SH3TC1: variants seen among roughly 807,000 people sequenced by gnomAD.
The protein encoded by SH3TC1 is SH3 domain and tetratricopeptide repeat-containing protein 1.
Under a neutral mutation model 117.3 loss-of-function variants are expected in SH3TC1, and 135 were observed. The observed-to-expected ratio is 1.15, with a 90% confidence interval of 1.00 to 1.33. The LOEUF (loss-of-function observed/expected upper bound fraction) is 1.33, where lower values mean the gene tolerates loss of function less well. Ranked by LOEUF, SH3TC1 falls within the 40% of genes most tolerant of loss-of-function variation. The pLI, the probability that SH3TC1 is intolerant of heterozygous loss-of-function variation, is 0.00. For synonymous variants in SH3TC1, 898 were observed against 816.9 expected, an observed-to-expected ratio of 1.10 and a Z score of -1.69; for missense variants, 2,092 against 1,794.3, an observed-to-expected ratio of 1.17 and a Z score of -3.00.
At chr4:8,188,266 C>T (rs779976107) in intron 1 of SH3TC1, among the ~76,000 whole-genome samples, 1 of 152,188 alleles carries the variant, frequency 6.6e-6, no homozygotes, top group African/African-American at 2.4e-5. Flanking sequence ...CTGTCTCCAC[C>T]ATGAGGCCGA....
In SH3TC1 at chr4:8,226,532, G is replaced by A. The variant is rs185978181; in HGVS notation, c.1286-448G>A. Among the ~76,000 whole-genome samples the A allele has an allele frequency of 1.0e-3, 156 of 152,366 alleles. 1 individual carries two copies. Among genetic ancestry groups the A allele is most frequent in the African/African-American group, 3.6e-3 (149 of 41,582 alleles). ...CTGACTGGCTGTTGAGGATTTCATG[G>A]ATTCCTGTACCCCATCGAGGGGCCC... is the stretch of plus-strand genomic sequence containing the variant. On this transcript the variant is annotated intron_variant, in intron 11 of 17. Transcript: ENST00000245105.
Position 8,238,495 on chromosome 4 carries a change from G to A in SH3TC1, c.3753+825G>A, listed in dbSNP as rs536264489. Among the ~76,000 whole-genome samples, 575 of 152,330 alleles carry A rather than the reference G, an allele frequency of 3.8e-3. 5 individuals carry two copies. Among genetic ancestry groups the A allele is most frequent in the African/African-American group, 0.013 (541 of 41,576 alleles). ...GCTCGTTGTGGGCTGGGGGGCCAGG[G>A]CGCTCCAGTCCAGGGACTGAGCTCT... On this transcript the variant is annotated intron_variant, in intron 17 of 17. Transcript: ENST00000245105.
chr4:8,236,768 C>T (rs1721857269), intron 16 of SH3TC1: 2 of 250,250 alleles, frequency 8.0e-6, no homozygotes, highest in African/African-American at 2.2e-5. Flanking sequence ...TCTCTTGTGC[C>T]CTTCCCACCC....
In SH3TC1 at chr4:8,227,318, C is replaced by G. The variant is rs754981512; in HGVS notation, c.1624C>G (p.Arg542Gly). ...SFSDEEELTG[R>G]LAQARGAAKK... ...CAGCGACGAGGAGGAGCTGACTGGG[C>G]GCCTGGCACAGGCCCGGGGGGCGGC... Residue 542 changes from arginine (R) to glycine (G), a missense_variant, in exon 12 of 18, where the codon CGC becomes GGC. Transcript: ENST00000245105. The G allele has an allele frequency of 2.5e-6, 4 of 1,609,936 alleles. No individual in the cohort carries two copies. Among genetic ancestry groups the G allele is most frequent in the Non-Finnish European group, 3.4e-6 (4 of 1,178,824 alleles).
At chr4:8,207,550 A>C (rs890541293) in intron 2 of SH3TC1, among the ~76,000 whole-genome samples, 4 of 152,198 alleles carry the variant, frequency 2.6e-5, no homozygotes, top group Admixed American at 6.5e-5. Context: ...CTAATTAGGC[A>C]ACCCTTCTCC....
intron 1 of SH3TC1, among the ~76,000 whole-genome samples, chr4:8,191,882 T>G (rs1255369963): frequency 6.6e-6 from 1 of 152,142 alleles, no homozygotes; most frequent in East Asian, 1.9e-4. Flanking sequence ...CCGGGAAAGA[T>G]GACGGGGCTG....
intron 17 of SH3TC1, among the ~76,000 whole-genome samples, chr4:8,240,458 G>C (rs1392682200): frequency 4.6e-5 from 7 of 152,226 alleles, no homozygotes; most frequent in African/African-American, 1.4e-4. Context: ...TGCAGAGAGG[G>C]TGGGGCTGGG....
chr4:8,183,021 A>T lies in SH3TC1; in HGVS notation c.-57+811A>T, dbSNP rs908029507. Among the ~76,000 whole-genome samples, 1 of 152,102 alleles carries T rather than the reference A, an allele frequency of 6.6e-6. No individual in the cohort carries two copies. Among genetic ancestry groups the T allele is most frequent in the African/African-American group, 2.4e-5 (1 of 41,424 alleles). On this transcript the variant is annotated intron_variant, in intron 1 of 16. Coordinates refer to the SH3TC1 transcript ENST00000508641. The surrounding 1 kb of genome is among the most constrained non-coding windows in gnomAD (Gnocchi z 5.4). Reference sequence around the variant, plus strand: ...GGCAGTGGGGAGGCGCAGGGGCCTGACCCAGAGGAGGGCAGAGGAGAGGCT... The same window carrying T: ...GGCAGTGGGGAGGCGCAGGGGCCTGTCCCAGAGGAGGGCAGAGGAGAGGCT...
intron 15 of SH3TC1, 60 bp from the exon 16 acceptor site, chr4:8,236,208 TGAGCTCTGAG>T: frequency 6.8e-7 from 1 of 1,464,550 alleles, no homozygotes; most frequent in Non-Finnish European, 9.1e-7. Context: ...AGCACATGTT[TGAGCTCTGAG>T]GAGGGCGCTG....
Position 8,227,681 on chromosome 4 carries a change from G to C in SH3TC1, c.1987G>C (p.Ala663Pro), listed in dbSNP as rs556574724. The change falls in exon 12 of 18, where the codon GCC (alanine) becomes CCC (proline). Residue 663 changes from alanine (A) to proline (P), a missense_variant. Ala to Pro is a conservative substitution (Grantham distance 27). Transcript: ENST00000245105. ...RRAVGGQSLQ[A>P]EARACFLLAR... ...GGCGGTGGGTGGCCAGAGCCTGCAGGCCGAGGCCCGGGCCTGCTTCCTGCT... is the reference window on the plus strand; with the variant it reads ...GGCGGTGGGTGGCCAGAGCCTGCAGCCCGAGGCCCGGGCCTGCTTCCTGCT... The C allele has an allele frequency of 3.2e-4, 500 of 1,544,928 alleles. 3 individuals carry two copies. In the South Asian group the frequency reaches 4.7e-3, roughly 15 times the overall value.
At chr4:8,221,991 A>G (rs868816343) in intron 9 of SH3TC1, among the ~76,000 whole-genome samples, 1 of 152,198 alleles carries the variant, frequency 6.6e-6, no homozygotes, top group Non-Finnish European at 1.5e-5. Flanking sequence ...TTCATATTAT[A>G]CTGGTAATTT....
intron 13 of SH3TC1, 66 bp downstream of exon 13, chr4:8,232,222 A>T: frequency 4.0e-6 from 5 of 1,246,084 alleles, no homozygotes; most frequent in Non-Finnish European, 4.2e-6. Context: ...GGGCGGGGGC[A>T]CAGGGAAGCT....
At chr4:8,214,180 G>C (rs1032623977) in intron 4 of SH3TC1, among the ~76,000 whole-genome samples, 13 of 152,152 alleles carry the variant, frequency 8.5e-5, no homozygotes, top group African/African-American at 3.1e-4. Context: ...ACTGGTGTGT[G>C]GGGGATAAGG....
chr4:8,199,385 C>G lies in SH3TC1; in HGVS notation c.-49C>G, dbSNP rs937665799. ...TACGGCCCTGTGGGCCTGGGAGCTG[C>G]CTCTGAGGAACACGCCGCAGGTATG... is the stretch of plus-strand genomic sequence containing the variant. On this transcript the variant is annotated 5_prime_UTR_variant, in exon 1 of 18. Transcript: ENST00000245105. 3 of 152,310 alleles carry G rather than the reference C, an allele frequency of 2.0e-5. No individual in the cohort carries two copies. Among genetic ancestry groups the G allele is most frequent in the African/African-American group, 7.2e-5 (3 of 41,454 alleles). 9.4% of individuals were successfully genotyped at this position (152,310 alleles called of 1,614,324 possible).
chr4:8,189,042 C>A (rs1391626718), intron 1 of SH3TC1, among the ~76,000 whole-genome samples: 2 of 152,278 alleles, frequency 1.3e-5, no homozygotes, highest in African/African-American at 4.8e-5. Context: ...ACCCAGCTGC[C>A]CACACAGCTT....
intron 4 of SH3TC1, among the ~76,000 whole-genome samples, chr4:8,213,514 A>G (rs1336010604): frequency 6.6e-6 from 1 of 152,162 alleles, no homozygotes; most frequent in African/African-American, 2.4e-5. Flanking sequence ...GCTGTCGTGC[A>G]TGATGTCGGG....
At chr4:8,232,998 A>T in intron 13 of SH3TC1, 1 of 1,197,274 alleles carries the variant, frequency 8.4e-7, no homozygotes, top group Non-Finnish European at 1.1e-6. Flanking sequence ...AGGCCTCTGG[A>T]TGACTGTGAT....
rs1377408190 is a variant in SH3TC1, at chr4:8,227,968, C to T, written c.2274C>T (p.Pro758=). The change falls in exon 12 of 18, where the codon CCC becomes CCT. Residue 758 remains proline, a synonymous_variant. Transcript: ENST00000245105. ...TGGTGCTCCAGAACGCCCCCCAGCC[C>T]CACAGCCTCCCTGCCCAAACTTCCC... ...VNLVLQNAPQ[P]HSLPAQTSHY... is the part of the protein sequence containing the mutation. 1 of 1,612,456 alleles carries T rather than the reference C, an allele frequency of 6.2e-7. No individual in the cohort carries two copies. Among genetic ancestry groups the T allele is most frequent in the Non-Finnish European group, 8.5e-7 (1 of 1,179,800 alleles).
chr4:8,237,212 CAGTG>C, intron 16 of SH3TC1: 1 of 404,874 alleles, frequency 2.5e-6, no homozygotes. Flanking sequence ...TGGTTAAAAA[CAGTG>C]AGCAAAGGCA....
Sources: allele counts gnomAD v4.1 joint callset (sites outside exome capture counted in the v4.1 genomes callset), GRCh38; gene constraint gnomAD v4.1.1; non-coding constraint Gnocchi (gnomAD v3.1); transcripts MANE v1.5; gene names NCBI Gene and HGNC (gene_info 2026-07-23, HGNC 2026-07-21).